The following ADAMTS20 variants were observed in gnomAD, a reference collection of about 807,000 sequenced individuals.
The protein encoded by ADAMTS20 is A disintegrin and metalloproteinase with thrombospondin motifs 20.
In ADAMTS20, 225 loss-of-function variants were observed where a neutral mutation model predicts 260.1. The observed-to-expected ratio is 0.87, with a 90% CI of 0.78 to 0.97. ADAMTS20 has a LOEUF of 0.97. Among genes scored for constraint, ADAMTS20 ranks in the 50% least tolerant of loss-of-function variants. The pLI is 0.00. For missense variants in ADAMTS20, 2,400 were observed against 2,337.7 expected, an observed-to-expected ratio of 1.03 and a Z score of -0.55; for synonymous variants, 802 against 769.5, an observed-to-expected ratio of 1.04 and a Z score of -0.70.
In ADAMTS20 at chr12:43,490,320, A is replaced by C. The variant is rs560020635; in HGVS notation, c.1117+75T>G. ...ATTACTAAAATGTAAAATAAATGGA[A>C]AATAGCCTAAACATTATTGTAAATA... On this transcript the variant is annotated intron_variant, in intron 7 of 38. Transcript: ENST00000389420. 60 of 758,748 alleles carry C rather than the reference A, an allele frequency of 7.9e-5. No individual in the cohort carries two copies. The Middle Eastern group carries it at 2.8e-3, about 35-fold the overall frequency. The allele number at this position is 758,748 out of a possible 1,614,324, so 47.0% of individuals were successfully genotyped here. A position where few individuals can be genotyped will look rare whatever the true frequency, so the allele number is the denominator to read the frequency against.
chr12:43,536,140 T>C (rs1009613796), intron 2 of ADAMTS20, among the ~76,000 whole-genome samples: 4 of 152,102 alleles, frequency 2.6e-5, no homozygotes, highest in Non-Finnish European at 5.9e-5. Context: ...ATAATAATTA[T>C]TTAAAGTAAA....
chr12:43,370,990 C>T (rs534797917), intron 36 of ADAMTS20, among the ~76,000 whole-genome samples: 1 of 152,314 alleles, frequency 6.6e-6, no homozygotes, highest in African/African-American at 2.4e-5. Context: ...TCTATTCCTT[C>T]CCCTGCTTAT....
chr12:43,480,725 G>A (rs1185213417), intron 7 of ADAMTS20, among the ~76,000 whole-genome samples: 1 of 152,104 alleles, frequency 6.6e-6, no homozygotes, highest in African/African-American at 2.4e-5. Flanking sequence ...AATATCACAT[G>A]ATCTCATTTA....
At position 43,551,044 on chromosome 12, in the gene ADAMTS20, C is replaced by G. The variant is rs748673112; in HGVS notation, c.318G>C (p.Glu106Asp). The part of the protein sequence containing the change: ...DASFLAAGYT[E>D]VHLGTPERGA... The stretch of plus-strand genomic sequence containing the variant: ...CGCGCTCCGGGGTTCCCAAGTGCAC[C>G]TCGGTGTAGCCGGCGGCCAGAAAGG... Residue 106 changes from glutamate (E) to aspartate (D), a missense_variant, in exon 2 of 39, where the codon GAG becomes GAC. By Grantham distance (45) the Glu-to-Asp change is conservative (BLOSUM62 2). Transcript: ENST00000389420. This position sits in a 1 kb window ranked among gnomAD's most constrained non-coding sequence, Gnocchi z 4.6. The G allele has an allele frequency of 6.2e-7, 1 of 1,613,932 alleles. No individual in the cohort carries two copies. Among genetic ancestry groups the G allele is most frequent in the South Asian group, 1.1e-5 (1 of 91,080 alleles).
intron 28 of ADAMTS20, among the ~76,000 whole-genome samples, chr12:43,413,089 A>G (rs138915228): frequency 0.04 from 6,158 of 152,130 alleles, 387 homozygotes; most frequent in African/African-American, 0.14. Context: ...GATTACAGGC[A>G]TGAGCCACCG....
At chr12:43,414,074 A>T (rs1392551270) in intron 28 of ADAMTS20, among the ~76,000 whole-genome samples, 1 of 152,178 alleles carries the variant, frequency 6.6e-6, no homozygotes, top group Non-Finnish European at 1.5e-5. Context: ...TGAATAAATA[A>T]ACTTAATAGA....
intron 2 of ADAMTS20, among the ~76,000 whole-genome samples, chr12:43,541,643 A>G (rs565128558): frequency 1.4e-4 from 22 of 152,342 alleles, no homozygotes; most frequent in African/African-American, 5.3e-4. Flanking sequence ...ACCATTAATC[A>G]TGCCTAGGAA....
intron 3 of ADAMTS20, among the ~76,000 whole-genome samples, chr12:43,522,417 C>T (rs951136045): frequency 2.0e-5 from 3 of 152,194 alleles, no homozygotes; most frequent in Non-Finnish European, 4.4e-5. Flanking sequence ...AAGCATGTCA[C>T]CATCTAAAGA....
At chr12:43,444,014 A>C (rs2137333730) in intron 15 of ADAMTS20, 131 bp from the exon 16 acceptor site, 1 of 657,176 alleles carries the variant, frequency 1.5e-6, no homozygotes, top group African/African-American at 1.8e-5. Flanking sequence ...AAAATTACAC[A>C]GTGGTTATTC....
intron 28 of ADAMTS20, among the ~76,000 whole-genome samples, chr12:43,424,799 G>A (rs1027736225): frequency 6.6e-6 from 1 of 151,570 alleles, no homozygotes; most frequent in African/African-American, 2.4e-5. Flanking sequence ...ACAGTAGTAT[G>A]GTTCAAAGTT....
At chr12:43,447,099 A>T (rs560891559) in intron 14 of ADAMTS20, among the ~76,000 whole-genome samples, 15 of 152,174 alleles carry the variant, frequency 9.9e-5, no homozygotes, top group South Asian at 4.2e-4. Context: ...GAAACTATTT[A>T]AAAAATTGAG....
chr12:43,541,273 C>T (rs895853855), intron 2 of ADAMTS20, among the ~76,000 whole-genome samples: 2 of 152,084 alleles, frequency 1.3e-5, no homozygotes, highest in Non-Finnish European at 2.9e-5. Flanking sequence ...GGTATGAGTT[C>T]TGGGTTTGTA....
intron 7 of ADAMTS20, among the ~76,000 whole-genome samples, chr12:43,479,677 C>CA (rs1162139730): frequency 6.6e-6 from 1 of 151,536 alleles, no homozygotes; most frequent in Admixed American, 6.6e-5. Flanking sequence ...TTATGGGACA[C>CA]AAAAAAGTGA....
intron 3 of ADAMTS20, among the ~76,000 whole-genome samples, chr12:43,510,609 G>A (rs1395410180): frequency 6.6e-6 from 1 of 151,780 alleles, no homozygotes; most frequent in Non-Finnish European, 1.5e-5. Context: ...GTCCCATTGA[G>A]TCAAATGTTA....
intron 3 of ADAMTS20, 97 bp downstream of exon 3, chr12:43,531,939 A>T: frequency 1.2e-6 from 1 of 823,886 alleles, no homozygotes; most frequent in Non-Finnish European, 1.6e-6. Context: ...TTAAAAATAA[A>T]TAAAATATTG....
intron 28 of ADAMTS20, among the ~76,000 whole-genome samples, chr12:43,412,173 T>A (rs898805446): frequency 6.6e-6 from 1 of 152,228 alleles, no homozygotes; most frequent in Admixed American, 6.5e-5. Context: ...CAGGCTTACA[T>A]ATGCTTTCTG....
chr12:43,414,845 T>C lies in ADAMTS20; in HGVS notation c.4284+10669A>G, dbSNP rs140147750. ...TGGCTACCTAACCAACAGATATGGA[T>C]ATACATGTTCACCGAAAGACATGTC... On this transcript the variant is annotated intron_variant, in intron 28 of 38. Coordinates refer to ENST00000389420, the MANE Select transcript of ADAMTS20 (RefSeq NM_025003.5). 4.7e-3 allele frequency among the ~76,000 whole-genome samples: 715 copies of C among 152,172 alleles called. 5 individuals are homozygous for C. The highest frequency in any genetic ancestry group is 0.016 in the African/African-American group (679 of 41,530).
intron 7 of ADAMTS20, among the ~76,000 whole-genome samples, chr12:43,477,892 C>A (rs550505969): frequency 6.6e-6 from 1 of 152,184 alleles, no homozygotes; most frequent in South Asian, 2.1e-4. Flanking sequence ...TTATGAACAC[C>A]CTTTGGACTC....
intron 36 of ADAMTS20, among the ~76,000 whole-genome samples, chr12:43,374,843 C>A (rs1328350044): frequency 1.3e-5 from 2 of 152,136 alleles, no homozygotes; most frequent in African/African-American, 4.8e-5. Flanking sequence ...CTTGGAAGGG[C>A]AGTATCTTAC....
Sources: allele counts gnomAD v4.1 joint callset (sites outside exome capture counted in the v4.1 genomes callset), GRCh38; gene constraint gnomAD v4.1.1; non-coding constraint Gnocchi (gnomAD v3.1); transcripts MANE v1.5; gene names NCBI Gene and HGNC (gene_info 2026-07-23, HGNC 2026-07-21).